NXPE2: variants seen among roughly 807,000 people sequenced by gnomAD.
NXPE2 encodes the protein neurexophilin and PC-esterase domain family member 2.
In NXPE2, 34 loss-of-function variants were observed where a neutral mutation model predicts 34.4. The observed-to-expected ratio is 0.99, with a 90% confidence interval of 0.75 to 1.31. NXPE2 has a LOEUF of 1.31. Among genes scored for constraint, NXPE2 ranks in the 40% most tolerant of loss-of-function variants. NXPE2 has a pLI of 0.00. For synonymous variants in NXPE2, 235 were observed against 231.3 expected (o/e 1.02, Z -0.15); for missense variants, 649 against 672.5 (o/e 0.97, Z 0.39).
chr11:114,474,617 C>T, the NXPE2 span, among the ~76,000 whole-genome samples: 20 of 152,052 alleles, frequency 1.3e-4, no homozygotes, highest in African/African-American at 4.3e-4. Flanking sequence ...CGGACAAAGC[C>T]TGATTGAAAT....
the NXPE2 span, among the ~76,000 whole-genome samples, chr11:114,548,371 T>G: frequency 2.0e-5 from 3 of 152,092 alleles, no homozygotes; most frequent in African/African-American, 4.8e-5. Context: ...AGAATATAAC[T>G]TTAGAGGAAC....
chr11:114,715,414 T>G, the NXPE2 span, among the ~76,000 whole-genome samples: 2 of 152,242 alleles, frequency 1.3e-5, no homozygotes, highest in African/African-American at 4.8e-5. Flanking sequence ...TTATTTTGAG[T>G]TGAAGTATTT....
the NXPE2 span, among the ~76,000 whole-genome samples, chr11:114,808,116 G>T: frequency 6.6e-6 from 1 of 152,148 alleles, no homozygotes; most frequent in Admixed American, 6.6e-5. Flanking sequence ...TGAAATGAAG[G>T]CAGAAATAAA....
the NXPE2 span, among the ~76,000 whole-genome samples, chr11:114,619,846 A>G: frequency 6.6e-6 from 1 of 151,948 alleles, no homozygotes; most frequent in African/African-American, 2.4e-5. Flanking sequence ...GTTGGTAACC[A>G]GTGTTACCCG....
At chr11:114,805,843 AGTAGT>A in the NXPE2 span, among the ~76,000 whole-genome samples, 2 of 152,216 alleles carry the variant, frequency 1.3e-5, no homozygotes, top group African/African-American at 4.8e-5. Flanking sequence ...CTTTGAAGAG[AGTAGT>A]GGTTCTCCCA....
chr11:114,538,351 T>C, the NXPE2 span, among the ~76,000 whole-genome samples: 13 of 152,176 alleles, frequency 8.5e-5, no homozygotes, highest in Admixed American at 5.9e-4. Context: ...GGCAGTACCA[T>C]TCAGGCCATA....
chr11:114,466,235 G>T, the NXPE2 span, among the ~76,000 whole-genome samples: 1 of 152,128 alleles, frequency 6.6e-6, no homozygotes, highest in Non-Finnish European at 1.5e-5. Flanking sequence ...TTCCTGCAGT[G>T]AAAATAATTT....
chr11:114,482,040 AAG>A, the NXPE2 span, among the ~76,000 whole-genome samples: 12 of 124,034 alleles, frequency 9.7e-5, no homozygotes, highest in Admixed American at 7.6e-4. Flanking sequence ...CTTTCAACTG[AAG>A]AATGAAAGAT....
At chr11:114,682,621 C>A (rs192133250) in intron 2 of NXPE2, among the ~76,000 whole-genome samples, 1 of 152,062 alleles carries the variant, frequency 6.6e-6, no homozygotes, top group African/African-American at 2.4e-5. Context: ...GAAGTAATAA[C>A]GTTAATTAAA....
chr11:114,625,771 A>T, the NXPE2 span, among the ~76,000 whole-genome samples: 1 of 152,164 alleles, frequency 6.6e-6, no homozygotes, highest in Non-Finnish European at 1.5e-5. Context: ...TACCAGGTTC[A>T]TCTCATTAGG....
intron 4 of NXPE2, 106 bp from the exon 5 acceptor site, chr11:114,705,675 A>T (rs942286739): frequency 3.3e-6 from 2 of 610,124 alleles, no homozygotes; most frequent in African/African-American, 3.8e-5. Flanking sequence ...AGAGCTGAAG[A>T]GAAAGGGGGA....
At chr11:114,734,401 T>G in the NXPE2 span, among the ~76,000 whole-genome samples, 8 of 151,816 alleles carry the variant, frequency 5.3e-5, no homozygotes, top group East Asian at 1.9e-4. Context: ...GGGTAAAGAT[T>G]ATTATTCTTA....
the NXPE2 span, among the ~76,000 whole-genome samples, chr11:114,596,320 T>C: frequency 1.3e-5 from 2 of 152,186 alleles, no homozygotes; most frequent in Non-Finnish European, 2.9e-5. Flanking sequence ...ATGAAAACAG[T>C]GCTGGAAAGA....
the NXPE2 span, among the ~76,000 whole-genome samples, chr11:114,622,013 C>T: frequency 1.3e-5 from 2 of 152,064 alleles, no homozygotes; most frequent in East Asian, 3.9e-4. Flanking sequence ...TAAGTACTGG[C>T]TCATGGGTAA....
At chr11:114,538,470 A>G in the NXPE2 span, among the ~76,000 whole-genome samples, 1 of 152,190 alleles carries the variant, frequency 6.6e-6, no homozygotes, top group African/African-American at 2.4e-5. Context: ...AGCAAAAGAA[A>G]CCACCATCAG....
At chr11:114,488,983 G>T in the NXPE2 span, among the ~76,000 whole-genome samples, 1 of 152,138 alleles carries the variant, frequency 6.6e-6, no homozygotes, top group African/African-American at 2.4e-5. Context: ...AAGAAGAAAA[G>T]AGAGAAGAAT....
chr11:114,617,950 G>C, the NXPE2 span, among the ~76,000 whole-genome samples: 2 of 150,880 alleles, frequency 1.3e-5, no homozygotes, highest in Non-Finnish European at 3.0e-5. Context: ...GTATTGCCTC[G>C]TGGGAAACCA....
the NXPE2 span, chr11:114,529,868 AATATG>A: frequency 3.5e-6 from 1 of 284,668 alleles, no homozygotes; most frequent in Admixed American, 4.7e-5. Flanking sequence ...AAATTAACAA[AATATG>A]ATATGGGAGG....
the NXPE2 span, among the ~76,000 whole-genome samples, chr11:114,548,864 T>C: frequency 6.6e-6 from 1 of 151,728 alleles, no homozygotes; most frequent in African/African-American, 2.4e-5. Context: ...AAACCTGGGT[T>C]TTATTTTGAA....
Sources: gnomAD v4.1 joint callset for allele counts (sites outside exome capture counted in the v4.1 genomes callset) on GRCh38, gnomAD v4.1.1 for gene constraint, MANE v1.5 for transcripts, NCBI Gene and HGNC (gene_info 2026-07-23, HGNC 2026-07-21) for gene names.